ACTR6: variants seen among roughly 807,000 people sequenced by gnomAD.
ACTR6 encodes actin related protein 6.
Under a neutral mutation model 52.5 loss-of-function variants are expected in ACTR6, and 50 were observed. The observed-to-expected ratio is 0.95, with a 90% CI of 0.76 to 1.20. The LOEUF (loss-of-function observed/expected upper bound fraction) is 1.20. Among genes scored for constraint, ACTR6 ranks in the 50% most tolerant of loss-of-function variants. The probability of loss-of-function intolerance (pLI) is 0.00; values close to 1 mark genes in which losing one functional copy is unlikely to be tolerated. For missense variants in ACTR6, 344 were observed against 472.4 expected (o/e 0.73, Z 2.52); for synonymous variants, 135 against 147.2 (o/e 0.92, Z 0.60).
intron 8 of ACTR6, among the ~76,000 whole-genome samples, chr12:100,214,793 A>G (rs981526444): frequency 2.6e-5 from 4 of 152,202 alleles, no homozygotes; most frequent in African/African-American, 9.6e-5. Context: ...GAAAGGACCT[A>G]GGCTGGCTTT....
intron 10 of ACTR6, among the ~76,000 whole-genome samples, chr12:100,223,068 T>A (rs2153901557): frequency 6.6e-6 from 1 of 152,318 alleles, no homozygotes. Flanking sequence ...CTGGGTGTGG[T>A]GGCTCACAAC....
chr12:100,224,045 T>C lies in ACTR6; in HGVS notation c.*130T>C, dbSNP rs1260358381. 2 of 1,077,344 alleles carry C rather than the reference T, an allele frequency of 1.9e-6. No individual in the cohort carries two copies. The highest frequency in any genetic ancestry group is 2.6e-6 in the Non-Finnish European group (2 of 784,228). 66.7% of individuals were successfully genotyped at this position (1,077,344 alleles called of 1,614,324 possible). ...AATTTATGTAAATACTTTGATCGAT[T>C]GCTAATTTTCAAAGGCTTCTTAGGT... On this transcript the variant is annotated 3_prime_UTR_variant, in exon 11 of 11. Transcript: ENST00000188312.
intron 8 of ACTR6, among the ~76,000 whole-genome samples, chr12:100,213,037 C>T (rs1317928798): frequency 6.7e-6 from 1 of 150,232 alleles, no homozygotes; most frequent in East Asian, 1.9e-4. Flanking sequence ...AAGAATTTCA[C>T]ATCCAGCTGG....
At position 100,224,025 on chromosome 12, in the gene ACTR6, A is replaced by G. The variant is rs1271675746; in HGVS notation, c.*110A>G. On this transcript the variant is annotated 3_prime_UTR_variant, in exon 11 of 11. Coordinates refer to ENST00000188312, the MANE Select transcript of ACTR6 (RefSeq NM_022496.5). ...TGTCCTAAGAAAAAGGCTTGAATTT[A>G]TGTAAATACTTTGATCGATTGCTAA... 1.6e-6 allele frequency: 2 copies of G among 1,241,480 alleles called. No homozygotes were observed. The highest frequency in any genetic ancestry group is 3.1e-5 in the African/African-American group (2 of 64,918). The allele number at this position is 1,241,480 out of a possible 1,614,324, so 76.9% of individuals were successfully genotyped here.
intron 2 of ACTR6, chr12:100,205,464 C>T (rs2096113683): frequency 6.0e-6 from 2 of 331,534 alleles, no homozygotes; most frequent in Non-Finnish European, 1.1e-5. Context: ...GCACGTTCTG[C>T]ACATGTATCC....
intron 6 of ACTR6, among the ~76,000 whole-genome samples, chr12:100,210,752 A>G (rs2096119227): frequency 6.6e-6 from 1 of 151,908 alleles, no homozygotes; most frequent in African/African-American, 2.4e-5. Flanking sequence ...AATGTTGTAC[A>G]TTAACATAAC....
chr12:100,205,867 A>G (rs991499905), intron 3 of ACTR6, 123 bp downstream of exon 3: 1 of 524,860 alleles, frequency 1.9e-6, no homozygotes, highest in Admixed American at 3.8e-5. Flanking sequence ...AAAATAAATA[A>G]TAAATGCAAG....
intron 6 of ACTR6, among the ~76,000 whole-genome samples, chr12:100,211,232 TGAA>T (rs1015726822): frequency 6.6e-6 from 1 of 151,538 alleles, no homozygotes; most frequent in African/African-American, 2.4e-5. Context: ...GGATAAGTGT[TGAA>T]GATGATGAAT....
In ACTR6 at chr12:100,205,070, A is replaced by G. The variant is rs200199803; in HGVS notation, c.186+13A>G. On this transcript the variant is annotated intron_variant, in intron 2 of 10. Coordinates refer to ENST00000188312, the MANE Select transcript of ACTR6 (RefSeq NM_022496.5). ...CCCTTTTCAAAAGGTAATCCAATTA[A>G]TTATGTTTCATTTCTAGCATTGTAG... 1.4e-6 allele frequency: 2 copies of G among 1,464,476 alleles called. No individual in the cohort carries two copies. Among genetic ancestry groups the G allele is most frequent in the African/African-American group, 2.8e-5 (2 of 70,908 alleles). The allele number at this position is 1,464,476 out of a possible 1,614,324, so 90.7% of individuals were successfully genotyped here. A position where few individuals can be genotyped will look rare whatever the true frequency, so the allele number is the denominator to read the frequency against.
Position 100,210,498 on chromosome 12 carries a change from C to A in ACTR6, c.572+147C>A. The A allele has an allele frequency of 1.6e-5, 13 of 817,282 alleles. No homozygotes were observed. The South Asian group carries it at 2.3e-4, about 15-fold the overall frequency. 50.6% of individuals were successfully genotyped at this position (817,282 alleles called of 1,614,324 possible). On this transcript the variant is annotated intron_variant, in intron 6 of 10. Coordinates refer to ENST00000188312, the MANE Select transcript of ACTR6 (RefSeq NM_022496.5). ...CATTGGGAGGCCGAGGTGGGTGCATCACTTGAGGCCAGGAGTTCGAGACCA... is the reference window on the plus strand; with the variant it reads ...CATTGGGAGGCCGAGGTGGGTGCATAACTTGAGGCCAGGAGTTCGAGACCA...
At chr12:100,216,009 G>T (rs1566296266) in intron 8 of ACTR6, among the ~76,000 whole-genome samples, 1 of 152,152 alleles carries the variant, frequency 6.6e-6, no homozygotes, top group Non-Finnish European at 1.5e-5. Context: ...AGAAATTCCA[G>T]TTTTCTTTCT....
intron 8 of ACTR6, among the ~76,000 whole-genome samples, chr12:100,215,575 A>G (rs2096123351): frequency 6.6e-6 from 1 of 152,158 alleles, no homozygotes; most frequent in Non-Finnish European, 1.5e-5. Context: ...ATTCTCATAT[A>G]TAATGTGTAT....
At chr12:100,219,869 T>C in intron 9 of ACTR6, 139 bp from the exon 10 acceptor site, 1 of 788,630 alleles carries the variant, frequency 1.3e-6, no homozygotes, top group Non-Finnish European at 2.0e-6. Flanking sequence ...AGAATGGACC[T>C]GAAAATTTAT....
intron 4 of ACTR6, 119 bp from the exon 5 acceptor site, chr12:100,209,954 C>A: frequency 1.3e-6 from 1 of 789,794 alleles, no homozygotes; most frequent in Non-Finnish European, 1.9e-6. Flanking sequence ...TATAAATTAA[C>A]ATTTTTCTTG....
rs1010693155 is a variant in ACTR6 at position 100,210,176 on chromosome 12, T to C, written c.483T>C (p.Cys161=). ...CCTTTACACATATAGTTCCTTATTG[T>C]AGAAGTAAAAAGAAAAAAGAAGCAA... ...GYSFTHIVPY[C]RSKKKKEAII... The change falls in exon 5 of 11, where the codon TGT becomes TGC. Residue 161 remains cysteine (C), a synonymous_variant. Transcript: ENST00000188312. The C allele has an allele frequency of 1.2e-6, 2 of 1,606,696 alleles. No homozygotes were observed. The highest frequency in any genetic ancestry group is 1.7e-6 in the Non-Finnish European group (2 of 1,175,390).
chr12:100,207,924 G>A (rs1247695008), intron 4 of ACTR6, 138 bp downstream of exon 4: 13 of 861,052 alleles, frequency 1.5e-5, no homozygotes, highest in Non-Finnish European at 2.2e-5. Flanking sequence ...AGTTTGGGAG[G>A]CTGAGGCGAG....
At chr12:100,210,023 T>A (rs755275703) in intron 4 of ACTR6, 50 bp from the exon 5 acceptor site, 13 of 1,508,774 alleles carry the variant, frequency 8.6e-6, no homozygotes, top group South Asian at 3.9e-5. Flanking sequence ...TTTTAATTGC[T>A]TTAAATTAGT....
chr12:100,206,834 CTTTT>C (rs757011274), intron 3 of ACTR6, among the ~76,000 whole-genome samples: 1 of 128,800 alleles, frequency 7.8e-6, no homozygotes, highest in Non-Finnish European at 1.6e-5. Flanking sequence ...ACACCTGGCT[CTTTT>C]TTTTTTTTTT....
intron 6 of ACTR6, among the ~76,000 whole-genome samples, chr12:100,211,217 A>G (rs1378930232): frequency 1.3e-5 from 2 of 151,976 alleles, no homozygotes; most frequent in East Asian, 3.9e-4. Context: ...CCAATACACA[A>G]AAATGGATAA....
Sources: gnomAD v4.1 joint callset for allele counts (sites outside exome capture counted in the v4.1 genomes callset) on GRCh38, gnomAD v4.1.1 for gene constraint, MANE v1.5 for transcripts, NCBI Gene and HGNC (gene_info 2026-07-23, HGNC 2026-07-21) for gene names.